Variants in LRP1B observed in about 807,000 individuals in gnomAD.
LRP1B encodes the protein low-density lipoprotein receptor-related protein 1B.
In LRP1B, 217 loss-of-function variants were observed where a neutral mutation model predicts 556.6. That is an observed-to-expected ratio of 0.39 (90% CI 0.35 to 0.44). LRP1B has a LOEUF of 0.44. Among genes scored for constraint, LRP1B ranks in the 20% least tolerant of loss-of-function variants. The pLI is 1.00. For missense variants in LRP1B, 5,053 were observed against 5,620.8 expected, an observed-to-expected ratio of 0.90 and a Z score of 3.23; for synonymous variants, 2,047 against 1,865.8, an observed-to-expected ratio of 1.10 and a Z score of -2.50.
intron 3 of LRP1B, among the ~76,000 whole-genome samples, chr2:141,330,747 CTTTTT>C (rs530844983): frequency 1.5e-4 from 16 of 107,850 alleles, no homozygotes; most frequent in African/African-American, 3.7e-4. Flanking sequence ...GGCTAACAAA[CTTTTT>C]TTTTTTTTTT....
At chr2:141,933,656 A>G (rs751089772) in intron 1 of LRP1B, among the ~76,000 whole-genome samples, 14 of 152,178 alleles carry the variant, frequency 9.2e-5, no homozygotes, top group Non-Finnish European at 1.6e-4. Context: ...TTTAGCTTGT[A>G]TATTTCTTAC....
At chr2:142,092,309 C>T (rs1706202658) in intron 1 of LRP1B, among the ~76,000 whole-genome samples, 1 of 146,146 alleles carries the variant, frequency 6.8e-6, no homozygotes, top group Non-Finnish European at 1.5e-5. Context: ...GGTAACTAAG[C>T]CTACATTTTA....
chr2:141,510,234 A>ACACACACCC (rs767916859), intron 2 of LRP1B, among the ~76,000 whole-genome samples: 1 of 145,280 alleles, frequency 6.9e-6, no homozygotes, highest in Non-Finnish European at 1.5e-5. Context: ...ACACACACAC[A>ACACACACCC]CCCCCCACAG....
chr2:140,901,566 A>G (rs1466823146), intron 23 of LRP1B, among the ~76,000 whole-genome samples: 1 of 152,156 alleles, frequency 6.6e-6, no homozygotes, highest in Non-Finnish European at 1.5e-5. Context: ...CTTGTGTTAC[A>G]AACAATCCAA....
At chr2:141,956,403 A>G (rs1471101064) in intron 1 of LRP1B, among the ~76,000 whole-genome samples, 1 of 151,912 alleles carries the variant, frequency 6.6e-6, no homozygotes, top group African/African-American at 2.4e-5. Context: ...ACCTGATAAT[A>G]TTTTTACTTT....
At chr2:141,817,828 A>T (rs1013828757) in intron 1 of LRP1B, among the ~76,000 whole-genome samples, 17 of 152,182 alleles carry the variant, frequency 1.1e-4, no homozygotes, top group African/African-American at 4.1e-4. Flanking sequence ...GTATAAAAGG[A>T]CACTATAGAA....
intron 57 of LRP1B, among the ~76,000 whole-genome samples, chr2:140,488,767 T>C (rs1237224824): frequency 6.6e-6 from 1 of 152,012 alleles, no homozygotes; most frequent in African/African-American, 2.4e-5. Context: ...CTTGCTTACA[T>C]CAATATTCAC....
intron 3 of LRP1B, among the ~76,000 whole-genome samples, chr2:141,400,246 T>A (rs1252053497): frequency 6.6e-6 from 1 of 152,216 alleles, no homozygotes. Flanking sequence ...CCCAAAGTGC[T>A]GGCGTTACAG....
chr2:140,913,035 T>C (rs1198276095), intron 21 of LRP1B, among the ~76,000 whole-genome samples: 1 of 151,902 alleles, frequency 6.6e-6, no homozygotes, highest in Middle Eastern at 3.4e-3. Flanking sequence ...ATAATAATAT[T>C]AATATGAAGT....
intron 1 of LRP1B, among the ~76,000 whole-genome samples, chr2:141,921,692 CTCA>C: frequency 6.6e-6 from 1 of 152,152 alleles, no homozygotes; most frequent in East Asian, 1.9e-4. Flanking sequence ...CCTAATGCTT[CTCA>C]TCAATTATAA....
chr2:140,432,989 A>G (rs564009289), intron 66 of LRP1B, among the ~76,000 whole-genome samples: 3 of 152,350 alleles, frequency 2.0e-5, no homozygotes, highest in East Asian at 1.9e-4. Flanking sequence ...TCCTAAAGCC[A>G]TATATGCTAC....
At chr2:141,203,954 G>T (rs565610454) in intron 6 of LRP1B, among the ~76,000 whole-genome samples, 2 of 152,072 alleles carry the variant, frequency 1.3e-5, no homozygotes, top group Non-Finnish European at 2.9e-5. Context: ...CGAAATGAAG[G>T]CAGAAATAAA....
At chr2:141,641,464 T>C (rs1000337929) in intron 2 of LRP1B, among the ~76,000 whole-genome samples, 3 of 152,130 alleles carry the variant, frequency 2.0e-5, no homozygotes, top group Admixed American at 2.0e-4. Context: ...GGCTATATAG[T>C]TTGTGTTTTA....
At chr2:141,812,179 G>T (rs1422488762) in intron 1 of LRP1B, among the ~76,000 whole-genome samples, 1 of 152,052 alleles carries the variant, frequency 6.6e-6, no homozygotes, top group Non-Finnish European at 1.5e-5. Context: ...TTTTGCTTTA[G>T]GCTGTCACAT....
chr2:142,010,599 C>T (rs1350281869), intron 1 of LRP1B, among the ~76,000 whole-genome samples: 2 of 150,312 alleles, frequency 1.3e-5, no homozygotes, highest in South Asian at 2.1e-4. Context: ...CATGCCTTAC[C>T]TCTTTCTTTG....
intron 32 of LRP1B, among the ~76,000 whole-genome samples, chr2:140,778,722 TA>T: frequency 6.6e-6 from 1 of 151,924 alleles, no homozygotes; most frequent in Middle Eastern, 3.5e-3. Flanking sequence ...AGTTTTGGTG[TA>T]GTTTTAAAAG....
intron 1 of LRP1B, among the ~76,000 whole-genome samples, chr2:141,864,779 G>A (rs1477503297): frequency 6.6e-6 from 1 of 152,128 alleles, no homozygotes; most frequent in Non-Finnish European, 1.5e-5. Flanking sequence ...CTACTCAGGA[G>A]GCTGAGGCAG....
intron 7 of LRP1B, among the ~76,000 whole-genome samples, chr2:141,183,239 T>C (rs906850425): frequency 6.6e-6 from 1 of 152,030 alleles, no homozygotes; most frequent in Non-Finnish European, 1.5e-5. Context: ...GGGAGCCACC[T>C]AACAGAAGTA....
At chr2:141,315,252 A>AT (rs34839276) in intron 3 of LRP1B, among the ~76,000 whole-genome samples, 20,658 of 76,700 alleles carry the variant, frequency 0.27, 4,455 homozygotes, top group Middle Eastern at 0.35. Context: ...AATGATTGTA[A>AT]TTTTTTTTTT....
Sources: allele counts gnomAD v4.1 joint callset (sites outside exome capture counted in the v4.1 genomes callset), GRCh38; gene constraint gnomAD v4.1.1; transcripts MANE v1.5; gene names NCBI Gene and HGNC (gene_info 2026-07-23, HGNC 2026-07-21).